VPS13B: variants seen among roughly 807,000 people sequenced by gnomAD.
The protein encoded by VPS13B is vacuolar protein sorting 13 homolog B, also known as intermembrane lipid transfer protein VPS13B.
In VPS13B, 285 loss-of-function variants were observed where a neutral mutation model predicts 426.4. That is an observed-to-expected ratio of 0.67 (90% CI 0.61 to 0.74). VPS13B has a LOEUF of 0.74. Among genes scored for constraint, VPS13B ranks in the 30% least tolerant of loss-of-function variants. The pLI, the probability that VPS13B is intolerant of heterozygous loss-of-function variation, is 0.00. For synonymous variants in VPS13B, 1,676 were observed against 1,676.4 expected (o/e 1.00, Z 0.01); for missense variants, 4,537 against 4,782.6 (o/e 0.95, Z 1.51).
chr8:99,581,044 A>G (rs1398130887), intron 33 of VPS13B, among the ~76,000 whole-genome samples: 1 of 148,116 alleles, frequency 6.8e-6, no homozygotes. Context: ...TTAGGCAGGC[A>G]TGGTGGCATG....
chr8:99,058,824 T>C (rs1330856786), intron 3 of VPS13B, among the ~76,000 whole-genome samples: 1 of 152,180 alleles, frequency 6.6e-6, no homozygotes, highest in Non-Finnish European at 1.5e-5. Flanking sequence ...GGATGACTTA[T>C]GGAATTTTAC....
At chr8:99,698,326 C>T (rs1832118697) in intron 35 of VPS13B, among the ~76,000 whole-genome samples, 1 of 152,268 alleles carries the variant, frequency 6.6e-6, no homozygotes. Flanking sequence ...TGTGTGTCCT[C>T]CCATCTCGGC....
chr8:99,577,401 A>AG, intron 32 of VPS13B, 89 bp from the exon 33 acceptor site: 3 of 1,575,838 alleles, frequency 1.9e-6, no homozygotes, highest in Non-Finnish European at 2.6e-6. Context: ...ATGTCACCAA[A>AG]GTAGTGAAGG....
chr8:99,801,554 G>A (rs1813124196), intron 43 of VPS13B, among the ~76,000 whole-genome samples: 1 of 152,138 alleles, frequency 6.6e-6, no homozygotes, highest in Admixed American at 6.5e-5. Context: ...TTTATCGGAA[G>A]TAACATTACT....
intron 30 of VPS13B, among the ~76,000 whole-genome samples, chr8:99,535,947 C>CA (rs1261480523): frequency 2.4e-4 from 36 of 150,954 alleles, no homozygotes; most frequent in Middle Eastern, 3.4e-3. Context: ...GATTTTAATC[C>CA]AAATTTTTTT....
At chr8:99,193,259 T>C (rs571991510) in intron 17 of VPS13B, among the ~76,000 whole-genome samples, 8 of 152,330 alleles carry the variant, frequency 5.3e-5, no homozygotes, top group Admixed American at 3.9e-4. Context: ...TATTTCTGCA[T>C]ATGTTTCATA....
At chr8:99,573,349 T>C (rs1029941809) in intron 31 of VPS13B, among the ~76,000 whole-genome samples, 1 of 152,108 alleles carries the variant, frequency 6.6e-6, no homozygotes, top group Non-Finnish European at 1.5e-5. Context: ...ATTGCTTTTG[T>C]TGTTTTAGAC....
chr8:99,360,101 CTGT>C (rs1183835385), intron 19 of VPS13B, among the ~76,000 whole-genome samples: 1 of 73,940 alleles, frequency 1.4e-5, no homozygotes, highest in African/African-American at 4.5e-5. Flanking sequence ...TGTGCCCAAC[CTGT>C]TTTTTTTTTT....
chr8:99,338,453 T>C (rs1185635097), intron 19 of VPS13B, among the ~76,000 whole-genome samples: 1 of 152,078 alleles, frequency 6.6e-6, no homozygotes, highest in Non-Finnish European at 1.5e-5. Flanking sequence ...TATTTTTCTA[T>C]AAGGATATAT....
intron 35 of VPS13B, among the ~76,000 whole-genome samples, chr8:99,663,708 C>T (rs1054151979): frequency 2.6e-5 from 4 of 152,098 alleles, no homozygotes; most frequent in Admixed American, 2.0e-4. Context: ...GGTAAGAACA[C>T]GTAATTAGTT....
chr8:99,054,879 C>T (rs571393038), intron 3 of VPS13B, among the ~76,000 whole-genome samples: 2 of 152,078 alleles, frequency 1.3e-5, no homozygotes, highest in African/African-American at 4.8e-5. Flanking sequence ...GAAAATAAAC[C>T]CTATAGGCCT....
intron 21 of VPS13B, among the ~76,000 whole-genome samples, chr8:99,414,733 T>A (rs1176918605): frequency 6.6e-6 from 1 of 152,242 alleles, no homozygotes; most frequent in Non-Finnish European, 1.5e-5. Context: ...TTTGAGAATG[T>A]CGAATATTGG....
At chr8:99,775,859 C>T (rs137865572) in intron 40 of VPS13B, among the ~76,000 whole-genome samples, 39 of 152,124 alleles carry the variant, frequency 2.6e-4, no homozygotes, top group African/African-American at 7.2e-4. Context: ...GGTTGTGCCA[C>T]GCTGCTCCAG....
intron 33 of VPS13B, among the ~76,000 whole-genome samples, chr8:99,614,444 A>G (rs773616458): frequency 6.7e-4 from 102 of 151,826 alleles, no homozygotes; most frequent in Non-Finnish European, 7.4e-4. Flanking sequence ...CACCCGGCTA[A>G]TTTTGTATTT....
intron 24 of VPS13B, 150 bp from the exon 25 acceptor site, chr8:99,481,449 G>A: frequency 1.2e-6 from 1 of 854,896 alleles, no homozygotes; most frequent in Non-Finnish European, 1.9e-6. Flanking sequence ...AATTTCAAGT[G>A]TAAGTTAAAG....
intron 42 of VPS13B, among the ~76,000 whole-genome samples, chr8:99,781,370 G>A (rs1042041261): frequency 1.3e-5 from 2 of 152,152 alleles, no homozygotes; most frequent in Admixed American, 6.5e-5. Flanking sequence ...CCAAAATGGT[G>A]TATCTGTTTA....
intron 22 of VPS13B, among the ~76,000 whole-genome samples, chr8:99,436,444 C>T (rs1226040886): frequency 6.6e-6 from 1 of 151,862 alleles, no homozygotes; most frequent in African/African-American, 2.4e-5. Flanking sequence ...ATTTACCTTC[C>T]TTACTATTTG....
intron 21 of VPS13B, chr8:99,424,352 G>A (rs944009125): frequency 6.6e-6 from 1 of 151,892 alleles, no homozygotes; most frequent in Non-Finnish European, 1.5e-5. Context: ...GATGGGTCTT[G>A]ACTGTTTATC....
intron 43 of VPS13B, among the ~76,000 whole-genome samples, chr8:99,789,819 A>G (rs1371082869): frequency 1.3e-5 from 2 of 152,150 alleles, no homozygotes; most frequent in Non-Finnish European, 2.9e-5. Context: ...TATGTATACA[A>G]TGTGATCATA....
Sources: allele counts gnomAD v4.1 joint callset (sites outside exome capture counted in the v4.1 genomes callset), GRCh38; gene constraint gnomAD v4.1.1; transcripts MANE v1.5; gene names NCBI Gene and HGNC (gene_info 2026-07-23, HGNC 2026-07-21).